CSMD1: variants seen among roughly 807,000 people sequenced by gnomAD.
CSMD1 encodes CUB and Sushi multiple domains 1.
A neutral mutation model predicts 417.5 loss-of-function variants in CSMD1; 213 were observed. The ratio of observed to expected loss-of-function variants is 0.51; its 90% CI spans 0.46 to 0.57. The LOEUF is 0.57. CSMD1 is among the 20% of genes least tolerant of loss of function. The pLI, the probability that CSMD1 is intolerant of heterozygous loss-of-function variation, is 0.00. For missense variants in CSMD1, 6,923 were observed against 4,529.7 expected, an observed-to-expected ratio of 1.53 and a Z score of -15.17; for synonymous variants, 2,862 against 1,736.8, an observed-to-expected ratio of 1.65 and a Z score of -16.11.
chr8:4,977,571 C>G (rs919320526), intron 1 of CSMD1, among the ~76,000 whole-genome samples: 2 of 152,184 alleles, frequency 1.3e-5, no homozygotes, highest in Non-Finnish European at 2.9e-5. Context: ...GGCTCCAGCC[C>G]GCCTTTGGGT....
At chr8:3,894,718 AG>A (rs1807238375) in intron 5 of CSMD1, among the ~76,000 whole-genome samples, 1 of 152,190 alleles carries the variant, frequency 6.6e-6, no homozygotes, top group Non-Finnish European at 1.5e-5. Flanking sequence ...TATATGAATT[AG>A]TTTCTTGATT....
chr8:2,972,600 A>G (rs1473189077), intron 57 of CSMD1, among the ~76,000 whole-genome samples: 1 of 152,206 alleles, frequency 6.6e-6, no homozygotes, highest in Non-Finnish European at 1.5e-5. Flanking sequence ...ACCACTTCCT[A>G]CGATGCCTCT....
intron 26 of CSMD1, among the ~76,000 whole-genome samples, chr8:3,281,810 T>A (rs1169275959): frequency 1.3e-5 from 2 of 152,132 alleles, no homozygotes; most frequent in Non-Finnish European, 2.9e-5. Flanking sequence ...CATGTTGAAT[T>A]GTAATCCCCA....
chr8:4,992,200 C>T lies in CSMD1; in HGVS notation c.85+2132G>A, dbSNP rs1207693016. On this transcript the variant is annotated intron_variant, in intron 1 of 69. Transcript: ENST00000635120. The stretch of plus-strand genomic sequence containing the variant: ...CAGAATCATCCAGAGCAGCCCCCGC[C>T]CACTACCTGGCCCTCCACACCCTCC... Among the ~76,000 whole-genome samples the T allele has an allele frequency of 3.3e-5, 5 of 152,178 alleles. No individual in the cohort carries two copies. The East Asian group carries it at 9.7e-4, about 30-fold the overall frequency.
chr8:2,976,647 C>A (rs993367013), intron 55 of CSMD1, among the ~76,000 whole-genome samples: 1 of 152,188 alleles, frequency 6.6e-6, no homozygotes, highest in Non-Finnish European at 1.5e-5. Context: ...CGGCACCTGG[C>A]CTCCACTTTC....
At chr8:4,950,508 A>G (rs1762859354) in intron 1 of CSMD1, among the ~76,000 whole-genome samples, 1 of 152,222 alleles carries the variant, frequency 6.6e-6, no homozygotes, top group South Asian at 2.1e-4. Context: ...TCTATTAAAC[A>G]TACACTACTT....
chr8:4,990,098 C>A (rs1223322754), intron 1 of CSMD1, among the ~76,000 whole-genome samples: 3 of 152,260 alleles, frequency 2.0e-5, no homozygotes, highest in East Asian at 3.9e-4. Context: ...GGAATTCTAC[C>A]ACCCTGCACT....
chr8:3,441,492 C>CATATAT (rs377759438), intron 12 of CSMD1, among the ~76,000 whole-genome samples: 3,481 of 143,748 alleles, frequency 0.024, 132 homozygotes, highest in African/African-American at 0.082. Flanking sequence ...CATATAATTT[C>CATATAT]ATATATATAT....
intron 2 of CSMD1, among the ~76,000 whole-genome samples, chr8:4,420,677 G>A (rs920230568): frequency 2.0e-5 from 3 of 152,116 alleles, no homozygotes; most frequent in Non-Finnish European, 4.4e-5. Flanking sequence ...TGTGCTCTTA[G>A]GAAAAGTGAG....
chr8:3,501,529 TA>T (rs2117344002), intron 10 of CSMD1, among the ~76,000 whole-genome samples: 1 of 152,328 alleles, frequency 6.6e-6, no homozygotes, highest in South Asian at 2.1e-4. Context: ...AGATAATTTA[TA>T]AATGCTTTAA....
At chr8:4,201,514 G>A (rs1375780941) in intron 3 of CSMD1, among the ~76,000 whole-genome samples, 1 of 115,106 alleles carries the variant, frequency 8.7e-6, no homozygotes, top group Non-Finnish European at 1.6e-5. Flanking sequence ...GTCCGGCCTA[G>A]GTAAGAGATC....
intron 1 of CSMD1, among the ~76,000 whole-genome samples, chr8:4,773,510 T>C (rs1444932992): frequency 6.6e-6 from 1 of 152,194 alleles, no homozygotes; most frequent in African/African-American, 2.4e-5. Flanking sequence ...CTCAGATTGC[T>C]TCCTCAACCA....
intron 2 of CSMD1, among the ~76,000 whole-genome samples, chr8:4,634,919 A>G (rs945598519): frequency 1.3e-5 from 2 of 152,110 alleles, no homozygotes; most frequent in Admixed American, 1.3e-4. Flanking sequence ...TCCGATTTGT[A>G]TTACAGTACT....
chr8:4,792,923 G>A (rs546465890), intron 1 of CSMD1, among the ~76,000 whole-genome samples: 78 of 151,820 alleles, frequency 5.1e-4, no homozygotes, highest in African/African-American at 1.7e-3. Flanking sequence ...AGTTCAGTAT[G>A]ATTAAAAAGG....
intron 49 of CSMD1, among the ~76,000 whole-genome samples, chr8:3,070,919 T>A (rs1162602253): frequency 6.6e-6 from 1 of 152,214 alleles, no homozygotes; most frequent in Non-Finnish European, 1.5e-5. Context: ...AGAGGTTTGA[T>A]TGGCTCATGG....
At chr8:4,728,424 G>C (rs1181364109) in intron 1 of CSMD1, among the ~76,000 whole-genome samples, 1 of 151,980 alleles carries the variant, frequency 6.6e-6, no homozygotes, top group Non-Finnish European at 1.5e-5. Context: ...ATTCCTGAGG[G>C]TAAGAAGCAT....
chr8:4,627,141 A>G (rs1030771434), intron 2 of CSMD1, among the ~76,000 whole-genome samples: 2 of 152,152 alleles, frequency 1.3e-5, no homozygotes, highest in African/African-American at 4.8e-5. Context: ...ATTTCAACTA[A>G]TATTATGCGA....
chr8:3,586,839 A>T (rs1033981891), intron 8 of CSMD1, among the ~76,000 whole-genome samples: 4 of 152,152 alleles, frequency 2.6e-5, no homozygotes, highest in Non-Finnish European at 5.9e-5. Flanking sequence ...TCACACTGTC[A>T]CCCAGGCTGG....
intron 41 of CSMD1, among the ~76,000 whole-genome samples, chr8:3,135,067 G>C (rs550107452): frequency 1.8e-4 from 28 of 152,170 alleles, no homozygotes; most frequent in Middle Eastern, 3.4e-3. Flanking sequence ...AGGACCACGG[G>C]TGTCCAACAC....
Sources: allele counts gnomAD v4.1 joint callset (sites outside exome capture counted in the v4.1 genomes callset), GRCh38; gene constraint gnomAD v4.1.1; transcripts MANE v1.5; gene names NCBI Gene and HGNC (gene_info 2026-07-23, HGNC 2026-07-21).